GTF2I: variants seen among roughly 807,000 people sequenced by gnomAD.
GTF2I encodes general transcription factor II-I.
GTF2I carries 12 observed loss-of-function variants against 67.6 expected under a neutral mutation model. That is an observed-to-expected ratio of 0.18 (90% CI 0.11 to 0.29). GTF2I has a LOEUF of 0.29. Ranked by LOEUF, GTF2I falls within the 10% of genes least tolerant of loss-of-function variation. GTF2I has a pLI of 1.00. For missense variants in GTF2I, 271 were observed against 580.1 expected (o/e 0.47, Z 5.47); for synonymous variants, 149 against 197.0 (o/e 0.76, Z 2.04).
intron 3 of GTF2I, among the ~76,000 whole-genome samples, chr7:74,698,383 C>T (rs1304547680): frequency 6.8e-5 from 10 of 146,058 alleles, no homozygotes; most frequent in African/African-American, 2.5e-4. Context: ...AGCCACCGCA[C>T]CTGGCCTTTT....
intron 1 of GTF2I, among the ~76,000 whole-genome samples, chr7:74,663,833 T>G (rs1465554391): frequency 6.6e-6 from 1 of 152,134 alleles, no homozygotes; most frequent in Middle Eastern, 3.4e-3. Context: ...TTTATTTTAT[T>G]ATTATTTATT....
intron 1 of GTF2I, among the ~76,000 whole-genome samples, chr7:74,677,237 A>G (rs1562942002): frequency 6.6e-6 from 1 of 152,098 alleles, no homozygotes; most frequent in African/African-American, 2.4e-5. Flanking sequence ...CTAGTATTAG[A>G]TCTTTTGGAT....
At chr7:74,709,835 G>C (rs941422915) in intron 8 of GTF2I, among the ~76,000 whole-genome samples, 44 of 150,824 alleles carry the variant, frequency 2.9e-4, no homozygotes, top group African/African-American at 1.0e-3. Context: ...ACCACTCCCG[G>C]CTAATTTTTG....
intron 1 of GTF2I, among the ~76,000 whole-genome samples, chr7:74,687,371 C>T (rs1018859612): frequency 1.5e-4 from 23 of 151,842 alleles, no homozygotes; most frequent in African/African-American, 5.6e-4. Context: ...ATTACAGGTG[C>T]GTGCCACCAT....
rs587625911 is a variant in GTF2I, at chr7:74,703,322, TATC to T, written c.587-1841_587-1839del. On this transcript the variant is annotated intron_variant, in intron 6 of 34. Transcript: ENST00000573035. ...CTTGTCTTCTTCCCTTACTTGGTAG[TATC>T]CTTTGAGGCACAAACGTTTTAAATT... Among the ~76,000 whole-genome samples the T allele has an allele frequency of 1.2e-3, 185 of 152,294 alleles. 1 individual carries two copies. Among genetic ancestry groups the T allele is most frequent in the African/African-American group, 4.3e-3 (179 of 41,588 alleles).
chr7:74,669,157 A>G (rs1371101914), intron 1 of GTF2I, among the ~76,000 whole-genome samples: 1 of 152,044 alleles, frequency 6.6e-6, no homozygotes, highest in African/African-American at 2.4e-5. Context: ...GGCATGGGCA[A>G]ATGACATTGT....
chr7:74,720,794 G>A (rs1291939460), intron 12 of GTF2I, among the ~76,000 whole-genome samples: 2 of 146,990 alleles, frequency 1.4e-5, no homozygotes, highest in East Asian at 2.0e-4. Context: ...CCAGGCTGGA[G>A]TGCAGTGGTG....
At chr7:74,674,868 T>A (rs587743497) in intron 1 of GTF2I, among the ~76,000 whole-genome samples, 26 of 149,438 alleles carry the variant, frequency 1.7e-4, no homozygotes, top group Non-Finnish European at 2.8e-4. Flanking sequence ...ATATATATTT[T>A]TTTGAGACGG....
At chr7:74,750,793 AGAAG>A (rs1160588867) in intron 26 of GTF2I, among the ~76,000 whole-genome samples, 1 of 39,800 alleles carries the variant, frequency 2.5e-5, no homozygotes, top group African/African-American at 1.1e-4. Context: ...TTTTTAGTAG[AGAAG>A]GGGTTTCACC....
chr7:74,709,649 T>A (rs1296512053), intron 8 of GTF2I, among the ~76,000 whole-genome samples: 1 of 152,034 alleles, frequency 6.6e-6, no homozygotes, highest in Non-Finnish European at 1.5e-5. Context: ...TTTTGTTAGC[T>A]GTAATGCTGT....
intron 1 of GTF2I, among the ~76,000 whole-genome samples, chr7:74,661,726 G>C (rs1584052955): frequency 6.6e-6 from 1 of 151,850 alleles, no homozygotes; most frequent in East Asian, 1.9e-4. Context: ...AAAATAATTC[G>C]GACGACTGAC....
chr7:74,691,674 T>C (rs1788322034), intron 3 of GTF2I, among the ~76,000 whole-genome samples: 1 of 152,236 alleles, frequency 6.6e-6, no homozygotes, highest in Admixed American at 6.5e-5. Context: ...GTTCCTTGCT[T>C]GGCTTTACTC....
At chr7:74,720,450 ATG>A (rs2131449558) in intron 12 of GTF2I, among the ~76,000 whole-genome samples, 1 of 152,294 alleles carries the variant, frequency 6.6e-6, no homozygotes, top group African/African-American at 2.4e-5. Context: ...TTCATACTTC[ATG>A]TGTTAACTTA....
intron 16 of GTF2I, 67 bp downstream of exon 16, chr7:74,734,048 TTTC>T: frequency 9.0e-7 from 1 of 1,115,576 alleles, no homozygotes; most frequent in East Asian, 2.5e-5. Context: ...TTAACATTGA[TTTC>T]TTCTTTATGT....
intron 14 of GTF2I, among the ~76,000 whole-genome samples, chr7:74,731,003 G>A (rs1488187609): frequency 1.4e-5 from 2 of 140,876 alleles, no homozygotes; most frequent in Non-Finnish European, 3.1e-5. Context: ...CACCCTTCCC[G>A]GCCACTGCTT....
chr7:74,695,682 A>G (rs1788820985), intron 3 of GTF2I, among the ~76,000 whole-genome samples: 1 of 151,890 alleles, frequency 6.6e-6, no homozygotes, highest in African/African-American at 2.4e-5. Context: ...CCATGCTGTA[A>G]TCTTCTAAGC....
intron 1 of GTF2I, among the ~76,000 whole-genome samples, chr7:74,665,714 C>A (rs930477417): frequency 1.3e-5 from 2 of 152,110 alleles, no homozygotes; most frequent in Non-Finnish European, 2.9e-5. Context: ...ATTGAGGAAG[C>A]GAAAATTTTA....
intron 12 of GTF2I, among the ~76,000 whole-genome samples, chr7:74,719,328 A>T (rs1472152592): frequency 6.6e-6 from 1 of 152,232 alleles, no homozygotes; most frequent in Non-Finnish European, 1.5e-5. Context: ...GAAAGTGTTG[A>T]TAGTTTAGTG....
chr7:74,698,624 C>T (rs1353772342), intron 3 of GTF2I, among the ~76,000 whole-genome samples: 3 of 151,914 alleles, frequency 2.0e-5, no homozygotes, highest in Non-Finnish European at 4.4e-5. Context: ...GTTGCCAAAG[C>T]TGGTCTTGAA....
Sources: gnomAD v4.1 joint callset for allele counts (sites outside exome capture counted in the v4.1 genomes callset) on GRCh38, gnomAD v4.1.1 for gene constraint, MANE v1.5 for transcripts, NCBI Gene and HGNC (gene_info 2026-07-23, HGNC 2026-07-21) for gene names.